Variants in CELSR1 observed in about 807,000 individuals in gnomAD.
CELSR1 encodes adhesion G protein-coupled receptor C1.
In CELSR1, 110 loss-of-function variants were observed where a neutral mutation model predicts 249.1. That is an observed-to-expected ratio of 0.44 (90% confidence interval 0.38 to 0.52). The LOEUF is 0.52. Among genes scored for constraint, CELSR1 ranks in the 20% least tolerant of loss-of-function variants. The probability of loss-of-function intolerance (pLI) is 0.00; values close to 1 mark genes in which losing one functional copy is unlikely to be tolerated. For synonymous variants in CELSR1, 2,113 were observed against 1,900.0 expected, an observed-to-expected ratio of 1.11 and a Z score of -2.92; for missense variants, 4,109 against 4,296.4, an observed-to-expected ratio of 0.96 and a Z score of 1.22.
At chr22:46,367,595 A>G (rs2078800199) in intron 28 of CELSR1, 134 bp downstream of exon 28, 3 of 1,267,788 alleles carry the variant, frequency 2.4e-6, no homozygotes, top group Admixed American at 2.3e-5. Context: ...GAGTCCTCAC[A>G]GCCACAGGAG....
chr22:46,439,047 C>T (rs563160793), intron 3 of CELSR1, 142 bp downstream of exon 3: 26 of 812,356 alleles, frequency 3.2e-5, no homozygotes, highest in South Asian at 5.2e-5. Context: ...CGTGAGCCAC[C>T]GCGCCTGGCC....
In CELSR1 at chr22:46,394,191, T is replaced by C; in HGVS notation, c.5915A>G (p.Lys1972Arg). ...CTTATTACAGTCGGGATCAAAGCCT[T>C]TGCTGACGGCACAGTGGCAGGGTCC... ...VCGPCHCAVS[K>R]GFDPDCNKTN... The change falls in exon 14 of 35, where the codon AAA (lysine) becomes AGA (arginine). Residue 1972 changes from lysine (K) to arginine (R), a missense_variant. Coordinates refer to ENST00000674500, the MANE Select transcript of CELSR1 (RefSeq NM_001378328.1). 6.2e-7 allele frequency: 1 copy of C among 1,614,112 alleles called. No homozygotes were observed. Among genetic ancestry groups the C allele is most frequent in the South Asian group, 1.1e-5 (1 of 91,084 alleles).
chr22:46,377,247 C>T lies in CELSR1; in HGVS notation c.7398G>A (p.Leu2466=). 1 of 1,613,944 alleles carries T rather than the reference C, an allele frequency of 6.2e-7. No individual in the cohort carries two copies. Among genetic ancestry groups the T allele is most frequent in the Non-Finnish European group, 8.5e-7 (1 of 1,180,010 alleles). ...DISRRENGEV[L]PLKIVTYAAV... ...CGGCATAGGTGACAATCTTCAGAGG[C>T]AGGACCTCCCCGTTCTATGGGCAGG... Residue 2466 remains leucine, a synonymous_variant, in exon 24 of 35, where the codon CTG becomes CTA. Coordinates refer to ENST00000674500, the MANE Select transcript of CELSR1 (RefSeq NM_001378328.1).
Position 46,512,488 on chromosome 22 carries a change from C to T in CELSR1, c.3544+21139G>A, listed in dbSNP as rs1475795903. 1.3e-5 allele frequency among the ~76,000 whole-genome samples: 2 copies of T among 152,166 alleles called. No homozygotes were observed. The highest frequency in any genetic ancestry group is 4.8e-5 in the African/African-American group (2 of 41,444). On this transcript the variant is annotated intron_variant, in intron 1 of 34. Transcript: ENST00000674500. The surrounding 1 kb of genome is among the most constrained non-coding windows in gnomAD (Gnocchi z 5.2). ...GTAGAAGGCTGAGGCACGAGAATTG[C>T]TTGAACCCGGGAGGCGGAGGTTTCA...
At chr22:46,530,091 C>T (rs1159578097) in intron 1 of CELSR1, among the ~76,000 whole-genome samples, 1 of 151,972 alleles carries the variant, frequency 6.6e-6, no homozygotes, top group African/African-American at 2.4e-5. Flanking sequence ...AGATGGATCA[C>T]TTGAGCTCAG....
In CELSR1 at chr22:46,439,490, G is replaced by A. The variant is rs1030514948; in HGVS notation, c.4184-79C>T. The A allele has an allele frequency of 3.4e-6, 4 of 1,177,184 alleles. No homozygotes were observed. In the African/African-American group the frequency reaches 6.0e-5, roughly 18 times the overall value. The allele number at this position is 1,177,184 out of a possible 1,614,324, so 72.9% of individuals were successfully genotyped here. A position where few individuals can be genotyped will look rare whatever the true frequency, so the allele number is the denominator to read the frequency against. On this transcript the variant is annotated intron_variant, in intron 2 of 34. Transcript: ENST00000674500. ...AGCCAACGAGCCTGTCGCAGACCCT[G>A]GACACACCCCAGCCACACAGTCAGC...
At position 46,391,375 on chromosome 22, in the gene CELSR1, G is replaced by T; in HGVS notation, c.6149-88C>A. ...CACCACTGTCTGCATGCGCCTCCCT[G>T]CAGGAGGCCCTGCTCCCACCAAGAA... On this transcript the variant is annotated intron_variant, in intron 15 of 34. Transcript: ENST00000674500. The surrounding 1 kb of genome is among the most constrained non-coding windows in gnomAD (Gnocchi z 4.3). 3 of 1,194,682 alleles carry T rather than the reference G, an allele frequency of 2.5e-6. No individual in the cohort carries two copies. The highest frequency in any genetic ancestry group is 2.4e-6 in the Non-Finnish European group (2 of 832,500). 74.0% of individuals were successfully genotyped at this position (1,194,682 alleles called of 1,614,324 possible).
At chr22:46,431,102 C>T (rs912768077) in intron 5 of CELSR1, among the ~76,000 whole-genome samples, 3 of 152,238 alleles carry the variant, frequency 2.0e-5, no homozygotes, top group Non-Finnish European at 4.4e-5. Flanking sequence ...CGGCCCTAGA[C>T]ACGGAAGCCA....
chr22:46,386,288 G>C (rs2079032499), intron 19 of CELSR1, 114 bp downstream of exon 19: 3 of 1,208,222 alleles, frequency 2.5e-6, no homozygotes, highest in Non-Finnish European at 3.3e-6. Context: ...ATTTTTCTAA[G>C]AGCATGGCCA....
intron 1 of CELSR1, among the ~76,000 whole-genome samples, chr22:46,514,609 C>G (rs953324865): frequency 6.6e-6 from 1 of 152,156 alleles, no homozygotes; most frequent in African/African-American, 2.4e-5. Context: ...ATGCAATGGC[C>G]CCTCTCAGCA....
chr22:46,442,817 C>T (rs1211447526), intron 2 of CELSR1, among the ~76,000 whole-genome samples: 1 of 152,158 alleles, frequency 6.6e-6, no homozygotes, highest in African/African-American at 2.4e-5. Context: ...CTGGGCCTGG[C>T]GCGGTGGCTC....
At position 46,365,286 on chromosome 22, in the gene CELSR1, C is replaced by T. The variant is rs1476683613; in HGVS notation, c.8499G>A (p.Val2833=). Residue 2833 remains valine (V), a synonymous_variant, in exon 32 of 35, where the codon GTG becomes GTA. Transcript: ENST00000674500. ...SHSSDSEDDG[V]GAEEKWDPAR... ...CCGGGTCCCATTTTTCCTCAGCTCC[C>T]ACCCCATCGTCCTCGCTGTCTGACG... is the stretch of plus-strand genomic sequence containing the variant. The T allele has an allele frequency of 1.2e-6, 2 of 1,612,812 alleles. No individual in the cohort carries two copies. The highest frequency in any genetic ancestry group is 1.7e-5 in the Admixed American group (1 of 60,002).
chr22:46,451,589 G>C (rs560952382), intron 2 of CELSR1, among the ~76,000 whole-genome samples: 7 of 152,162 alleles, frequency 4.6e-5, no homozygotes, highest in South Asian at 2.1e-4. Context: ...AGTAGCATGC[G>C]GGCCCAGGTG....
intron 9 of CELSR1, among the ~76,000 whole-genome samples, chr22:46,400,590 G>A (rs948199323): frequency 3.3e-5 from 5 of 151,856 alleles, no homozygotes; most frequent in African/African-American, 9.7e-5. Flanking sequence ...GCAGTGAGCC[G>A]AGATCGCGCC....
chr22:46,378,511 C>T (rs558855407), intron 23 of CELSR1, 80 bp downstream of exon 23: 53 of 1,391,572 alleles, frequency 3.8e-5, no homozygotes, highest in African/African-American at 1.1e-4. Flanking sequence ...GCAGGTTTGG[C>T]GGGGAGGTGC....
chr22:46,411,794 T>C lies in CELSR1; in HGVS notation c.4612-35A>G, dbSNP rs367558151. 6.2e-7 allele frequency: 1 copy of C among 1,612,356 alleles called. No homozygotes were observed. On this transcript the variant is annotated intron_variant, in intron 5 of 34. Coordinates refer to ENST00000674500, the MANE Select transcript of CELSR1 (RefSeq NM_001378328.1). The surrounding 1 kb of genome is among the most constrained non-coding windows in gnomAD (Gnocchi z 4.2). ...GAGAAAGCACAGAAGGTGTCAGCGT[T>C]TTCTCCACCAGTGCCCTCAGCAGGC...
chr22:46,450,067 C>A (rs551564425), intron 2 of CELSR1, among the ~76,000 whole-genome samples: 1 of 152,144 alleles, frequency 6.6e-6, no homozygotes. Context: ...CGTGACAGTC[C>A]CACACCAGCA....
At position 46,533,608 on chromosome 22, in the gene CELSR1, C is replaced by T; in HGVS notation, c.3544+19G>A. On this transcript the variant is annotated intron_variant, in intron 1 of 34. Coordinates refer to ENST00000674500, the MANE Select transcript of CELSR1 (RefSeq NM_001378328.1). ...GAGGCCCATCAGGAGCTACTCCTCCCACCCCGACGGCCACTCACCAGACAC... is the reference window on the plus strand; with the variant it reads ...GAGGCCCATCAGGAGCTACTCCTCCTACCCCGACGGCCACTCACCAGACAC... 6.5e-7 allele frequency: 1 copy of T among 1,534,428 alleles called. No individual in the cohort carries two copies. Among genetic ancestry groups the T allele is most frequent in the East Asian group, 2.3e-5 (1 of 44,310 alleles).
At position 46,473,097 on chromosome 22, in the gene CELSR1, TG is replaced by T. The variant is rs2080172375; in HGVS notation, c.3545-8753del. On this transcript the variant is annotated intron_variant, in intron 1 of 34. Transcript: ENST00000674500. This position sits in a 1 kb window ranked among gnomAD's most constrained non-coding sequence, Gnocchi z 6.6. ...AGGGGGTGGGTGAACCTCCGACTGC[TG>T]CCGGCCTCGTGGGCTCTCGGTGCAG... is the stretch of plus-strand genomic sequence containing the variant. Among the ~76,000 whole-genome samples, 1 of 151,654 alleles carries T rather than the reference TG, an allele frequency of 6.6e-6. No individual in the cohort carries two copies. The highest frequency in any genetic ancestry group is 1.5e-5 in the Non-Finnish European group (1 of 67,876).
Sources: gnomAD v4.1 joint callset for allele counts (sites outside exome capture counted in the v4.1 genomes callset) on GRCh38, gnomAD v4.1.1 for gene constraint, Gnocchi (gnomAD v3.1) non-coding constraint, MANE v1.5 for transcripts, NCBI Gene and HGNC (gene_info 2026-07-23, HGNC 2026-07-21) for gene names.